GPR176: variants seen among roughly 807,000 people sequenced by gnomAD.
GPR176 encodes G protein-coupled receptor 176.
In GPR176, 26 loss-of-function variants were observed where a neutral mutation model predicts 35.4. That is an observed-to-expected ratio of 0.74 (90% CI 0.54 to 1.02). The LOEUF (loss-of-function observed/expected upper bound fraction) is 1.02, where lower values mean the gene tolerates loss of function less well. Ranked by LOEUF, GPR176 falls within the 50% of genes least tolerant of loss-of-function variation. The pLI is 0.00. For missense variants in GPR176, 597 were observed against 665.3 expected (o/e 0.90, Z 1.13); for synonymous variants, 278 against 271.3 (o/e 1.02, Z -0.24).
In GPR176 at chr15:39,801,949, G is replaced by C. The variant is rs369009336; in HGVS notation, c.731C>G (p.Ala244Gly). The C allele has an allele frequency of 6.2e-7, 1 of 1,614,020 alleles. No homozygotes were observed. Among genetic ancestry groups the C allele is most frequent in the South Asian group, 1.1e-5 (1 of 91,070 alleles). The part of the protein sequence containing the change: ...ASQKKKVIIA[A>G]LRTPQNTISI... ...GATGGTGTTCTGTGGGGTCCGGAGC[G>C]CTGCTATGATGACCTTCTTCTTCTG... The change falls in exon 3 of 3, where the codon GCG becomes GGG. Residue 244 changes from alanine (A) to glycine (G), a missense_variant. Physicochemically the swap from Ala to Gly is moderately conservative, Grantham distance 60. Transcript: ENST00000561100.
chr15:39,846,239 G>A (rs1009163832), intron 1 of GPR176, among the ~76,000 whole-genome samples: 4 of 152,218 alleles, frequency 2.6e-5, no homozygotes, highest in African/African-American at 9.6e-5. Flanking sequence ...ATGACAGCAA[G>A]AGAAGTCTAG....
intron 1 of GPR176, among the ~76,000 whole-genome samples, chr15:39,886,523 G>T (rs946882812): frequency 6.6e-6 from 1 of 152,072 alleles, no homozygotes; most frequent in Admixed American, 6.6e-5. Flanking sequence ...GGGCCAAATG[G>T]TCTGAAACAT....
At chr15:39,873,136 T>C (rs2032110634) in intron 1 of GPR176, among the ~76,000 whole-genome samples, 1 of 152,182 alleles carries the variant, frequency 6.6e-6, no homozygotes, top group Non-Finnish European at 1.5e-5. Context: ...AGCACTATAC[T>C]TGTATTGTCT....
intron 1 of GPR176, among the ~76,000 whole-genome samples, chr15:39,888,316 C>T (rs2032745052): frequency 6.6e-6 from 1 of 152,056 alleles, no homozygotes. Flanking sequence ...GACAAGGTCT[C>T]ACCCTGTTGC....
chr15:39,880,145 ACT>A (rs998183287), intron 1 of GPR176, among the ~76,000 whole-genome samples: 2 of 151,866 alleles, frequency 1.3e-5, no homozygotes, highest in African/African-American at 2.4e-5. Flanking sequence ...GGAGAAATTC[ACT>A]CTCTCACCTT....
intron 1 of GPR176, among the ~76,000 whole-genome samples, chr15:39,810,312 A>G (rs1899467274): frequency 6.6e-6 from 1 of 152,232 alleles, no homozygotes; most frequent in African/African-American, 2.4e-5. Context: ...CTTAATAGTC[A>G]AAGATAGTGG....
intron 1 of GPR176, among the ~76,000 whole-genome samples, chr15:39,875,251 CTA>C (rs2032198197): frequency 6.6e-6 from 1 of 152,160 alleles, no homozygotes; most frequent in Admixed American, 6.5e-5. Context: ...ATGGGAGCCA[CTA>C]TCTCGCTTTT....
chr15:39,895,265 G>A (rs552746942), intron 1 of GPR176, among the ~76,000 whole-genome samples: 5 of 120,830 alleles, frequency 4.1e-5, no homozygotes, highest in Admixed American at 7.8e-5. Flanking sequence ...ATGGGGAGAG[G>A]GAGAGGGAGA....
Position 39,919,925 on chromosome 15 carries a change from G to T in GPR176, c.102C>A (p.Phe34Leu). Residue 34 changes from phenylalanine (F) to leucine (L), a missense_variant, in exon 1 of 3, where the codon TTC becomes TTA. Around this residue, in one of 3 missense-constraint regions of GPR176, gnomAD observed 126 missense variants for 112.4 expected, o/e 1.12. Transcript: ENST00000561100. ...AGVNRSALGE[F>L]GEAQLYRQFT... is the part of the protein sequence containing the mutation. ...ACTGGCGGTACAGCTGCGCCTCGCC[G>T]AACTCCCCGAGCGCGCTGCGGTTCA... 1 of 1,522,656 alleles carries T rather than the reference G, an allele frequency of 6.6e-7. No individual in the cohort carries two copies. The highest frequency in any genetic ancestry group is 8.8e-7 in the Non-Finnish European group (1 of 1,139,372). 94.3% of individuals were successfully genotyped at this position (1,522,656 alleles called of 1,614,324 possible). A position where few individuals can be genotyped will look rare whatever the true frequency, so the allele number is the denominator to read the frequency against.
At chr15:39,878,264 T>A (rs2032334077) in intron 1 of GPR176, among the ~76,000 whole-genome samples, 2 of 152,244 alleles carry the variant, frequency 1.3e-5, no homozygotes, top group African/African-American at 4.8e-5. Context: ...TTTTACCCTT[T>A]GACCAACATC....
At chr15:39,919,309 C>T (rs572385562) in intron 1 of GPR176, among the ~76,000 whole-genome samples, 58 of 152,022 alleles carry the variant, frequency 3.8e-4, no homozygotes, top group Non-Finnish European at 2.9e-4. Flanking sequence ...AATCGACAGG[C>T]GACATACAGT....
At chr15:39,819,660 C>T (rs548607595) in intron 1 of GPR176, among the ~76,000 whole-genome samples, 4 of 152,308 alleles carry the variant, frequency 2.6e-5, no homozygotes, top group South Asian at 4.1e-4. Context: ...TCATGCTACA[C>T]TGTAATTAGT....
intron 1 of GPR176, among the ~76,000 whole-genome samples, chr15:39,833,626 TACA>T (rs1901227556): frequency 1.3e-5 from 2 of 152,166 alleles, no homozygotes; most frequent in African/African-American, 4.8e-5. Flanking sequence ...CAGTGAATCA[TACA>T]ACAAACAGCA....
intron 1 of GPR176, among the ~76,000 whole-genome samples, chr15:39,878,759 C>T (rs1033537505): frequency 2.0e-5 from 3 of 152,154 alleles, no homozygotes; most frequent in African/African-American, 7.2e-5. Context: ...TACGAGGTTT[C>T]CTGCCTTTAG....
At chr15:39,863,485 T>A (rs2031697922) in intron 1 of GPR176, among the ~76,000 whole-genome samples, 1 of 152,104 alleles carries the variant, frequency 6.6e-6, no homozygotes, top group East Asian at 1.9e-4. Flanking sequence ...CTTTAAAGCA[T>A]TTAAAAGTTT....
chr15:39,869,452 G>A (rs2031964779), intron 1 of GPR176, among the ~76,000 whole-genome samples: 1 of 152,138 alleles, frequency 6.6e-6, no homozygotes, highest in East Asian at 1.9e-4. Flanking sequence ...GCCGACCTCG[G>A]GCAGGTGTCT....
chr15:39,897,599 A>ATTTTTTT lies in GPR176; in HGVS notation c.172+22249_172+22255dup, dbSNP rs386382791. On this transcript the variant is annotated intron_variant, in intron 1 of 2. Coordinates refer to ENST00000561100, the MANE Select transcript of GPR176 (RefSeq NM_007223.3). ...GAGAGATCATGAGAAACATCCAAAT[A>ATTTTTTT]TTTTTTTTTTTTTTTTTTTTTTTTT... Among the ~76,000 whole-genome samples, 194 of 88,518 alleles carry ATTTTTTT rather than the reference A, an allele frequency of 2.2e-3. 9 individuals carry two copies. The highest frequency in any genetic ancestry group is 7.4e-3 in the African/African-American group (165 of 22,176). The allele number at this position is 88,518 out of a possible 152,430, so 58.1% of individuals were successfully genotyped here. A position where few individuals can be genotyped will look rare whatever the true frequency, so the allele number is the denominator to read the frequency against.
intron 1 of GPR176, among the ~76,000 whole-genome samples, chr15:39,808,509 C>T (rs1899337253): frequency 6.6e-6 from 1 of 152,222 alleles, no homozygotes; most frequent in South Asian, 2.1e-4. Flanking sequence ...AAAGCCTTCT[C>T]TAACCATTAT....
intron 1 of GPR176, among the ~76,000 whole-genome samples, chr15:39,871,729 G>A (rs2032049134): frequency 6.6e-6 from 1 of 152,092 alleles, no homozygotes; most frequent in African/African-American, 2.4e-5. Flanking sequence ...GTATCTGCAC[G>A]AACTTTTCCA....
Sources: gnomAD v4.1 joint callset for allele counts (sites outside exome capture counted in the v4.1 genomes callset) on GRCh38, gnomAD v4.1.1 for gene constraint, gnomAD v4.1.1 regional missense constraint, MANE v1.5 for transcripts, NCBI Gene and HGNC (gene_info 2026-07-23, HGNC 2026-07-21) for gene names.